Variants in AHI1 observed in about 807,000 individuals in gnomAD.
AHI1 encodes Abelson helper integration site 1.
In AHI1, 123 loss-of-function variants were observed where a neutral mutation model predicts 149.3. That is an observed-to-expected ratio of 0.82 (90% CI 0.71 to 0.96). AHI1 has a LOEUF of 0.96. Among genes scored for constraint, AHI1 ranks in the 40% least tolerant of loss-of-function variants. The pLI, the probability that AHI1 is intolerant of heterozygous loss-of-function variation, is 0.00. For missense variants in AHI1, 1,439 were observed against 1,422.7 expected, an observed-to-expected ratio of 1.01 and a Z score of -0.18; for synonymous variants, 475 against 459.8, an observed-to-expected ratio of 1.03 and a Z score of -0.42.
At position 135,316,646 on chromosome 6, in the gene AHI1, T is replaced by C. The variant is rs544200781; in HGVS notation, c.3426+1873A>G. ...TTCTCTTCCTTTGACTGTCCCTTAA[T>C]ACTAGTGTTTAATTAGGTTCTGTCC... On this transcript the variant is annotated intron_variant, in intron 26 of 28. Coordinates refer to ENST00000265602, the MANE Select transcript of AHI1 (RefSeq NM_001134831.2). Among the ~76,000 whole-genome samples the C allele has an allele frequency of 5.9e-5, 9 of 152,290 alleles. No homozygotes were observed. In the South Asian group the frequency reaches 1.9e-3, roughly 32 times the overall value.
chr6:135,444,786 C>T (rs185014579), intron 13 of AHI1, among the ~76,000 whole-genome samples: 4 of 152,308 alleles, frequency 2.6e-5, no homozygotes, highest in Admixed American at 1.3e-4. Context: ...TGTGATATCA[C>T]GTTATTTAGC....
Position 135,323,213 on chromosome 6 carries a change from T to C in AHI1, c.3277A>G (p.Ile1093Val). The C allele has an allele frequency of 6.2e-7, 1 of 1,613,870 alleles. No homozygotes were observed. The highest frequency in any genetic ancestry group is 8.5e-7 in the Non-Finnish European group (1 of 1,179,794). ...KDNEDWWYGSIGKGQEGYFPA... is the reference protein window; with the variant it reads ...KDNEDWWYGSVGKGQEGYFPA... ...AAATAACCTTCCTGTCCCTTTCCTA[T>C]GCTGCCATACCACCAGTCTTCATTA... Residue 1093 changes from isoleucine to valine, a missense_variant, in exon 25 of 29, where the codon ATA becomes GTA. By Grantham distance (29) the Ile-to-Val change is conservative. Transcript: ENST00000265602.
Position 135,453,360 on chromosome 6 carries a change from AT to A in AHI1, c.1420del (p.Ile474LeufsTer36), listed in dbSNP as rs1369440486. 2.2e-5 allele frequency: 34 copies of A among 1,561,160 alleles called. No individual in the cohort carries two copies. Among genetic ancestry groups the A allele is most frequent in the Non-Finnish European group, 2.8e-5 (32 of 1,151,344 alleles). On this transcript the variant is annotated frameshift_variant, in exon 11 of 29. Coordinates refer to ENST00000265602, the MANE Select transcript of AHI1 (RefSeq NM_001134831.2). LOFTEE classifies it high-confidence loss of function. ...ACATACCTTAAGAAATGCCCAGGCA[AT>A]TTTCCGAAAGCCACATTCTTGGTTT... is the stretch of plus-strand genomic sequence containing the variant. ...VQNQECGFRKIAWAFLKLLGA... is the reference protein window; with the variant it reads ...VQNQECGFRKXAWAFLKLLGA...
chr6:135,485,607 A>G (rs1794356589), intron 5 of AHI1, among the ~76,000 whole-genome samples: 1 of 152,110 alleles, frequency 6.6e-6, no homozygotes. Context: ...TACTTTTAAG[A>G]TCTTTCAGGA....
chr6:135,357,327 T>C (rs898039485), intron 24 of AHI1, among the ~76,000 whole-genome samples: 1 of 152,220 alleles, frequency 6.6e-6, no homozygotes, highest in South Asian at 2.1e-4. Context: ...TTTATGAACA[T>C]TGACATGACT....
intron 4 of AHI1, among the ~76,000 whole-genome samples, chr6:135,491,886 T>C (rs1029067846): frequency 6.6e-6 from 1 of 152,190 alleles, no homozygotes; most frequent in Non-Finnish European, 1.5e-5. Context: ...AAGCCTAAAA[T>C]ATTTACTAGC....
intron 23 of AHI1, among the ~76,000 whole-genome samples, chr6:135,380,739 C>T (rs543744568): frequency 8.2e-6 from 1 of 121,432 alleles, no homozygotes; most frequent in South Asian, 2.7e-4. Context: ...TAACCCCCCC[C>T]CCCCCAAAAA....
At chr6:135,440,963 G>GA (rs776186251) in intron 14 of AHI1, among the ~76,000 whole-genome samples, 22 of 151,862 alleles carry the variant, frequency 1.4e-4, no homozygotes, top group Non-Finnish European at 2.9e-4. Flanking sequence ...ATACACAGGG[G>GA]AAAAAAGTCA....
At chr6:135,439,753 A>G (rs1785979882) in intron 14 of AHI1, among the ~76,000 whole-genome samples, 1 of 152,172 alleles carries the variant, frequency 6.6e-6, no homozygotes, top group Admixed American at 6.5e-5. Flanking sequence ...CTGTGGGTGG[A>G]AAGCATGAGC....
chr6:135,464,840 C>T (rs1336519735), intron 7 of AHI1, among the ~76,000 whole-genome samples: 5 of 152,182 alleles, frequency 3.3e-5, no homozygotes, highest in African/African-American at 1.2e-4. Context: ...TGACTTCAGT[C>T]CCAGCTAACA....
chr6:135,443,205 AT>A (rs1327916540), intron 13 of AHI1, among the ~76,000 whole-genome samples: 4 of 152,170 alleles, frequency 2.6e-5, no homozygotes, highest in Admixed American at 6.5e-5. Flanking sequence ...TCCAAAATGT[AT>A]TTTCAAAGTA....
Position 135,363,761 on chromosome 6 carries a change from C to CG in AHI1, c.3110-5575dup, listed in dbSNP as rs552379091. Reference sequence around the variant, plus strand: ...TTCCCGGACGGGGCAGCTGGCCGGGCGGGGGTTGACCCCCCCACCTCCCTC... The same window carrying CG: ...TTCCCGGACGGGGCAGCTGGCCGGGCGGGGGGTTGACCCCCCCACCTCCCTC... On this transcript the variant is annotated intron_variant, in intron 23 of 28. Transcript: ENST00000265602. Among the ~76,000 whole-genome samples the CG allele has an allele frequency of 8.3e-3, 1,078 of 129,268 alleles. 24 individuals are homozygous for CG. The highest frequency in any genetic ancestry group is 0.029 in the African/African-American group (996 of 33,790). The allele number at this position is 129,268 out of a possible 152,430, so 84.8% of individuals were successfully genotyped here.
chr6:135,300,361 G>T, intron 27 of AHI1, 139 bp downstream of exon 27: 2 of 927,000 alleles, frequency 2.2e-6, no homozygotes, highest in Non-Finnish European at 3.0e-6. Flanking sequence ...TCGTAAACAA[G>T]CTAAACTCCT....
chr6:135,320,333 A>G (rs529586616), intron 25 of AHI1, among the ~76,000 whole-genome samples: 2 of 152,358 alleles, frequency 1.3e-5, no homozygotes, highest in Admixed American at 6.5e-5. Flanking sequence ...GGCAGTTGAA[A>G]GATGGTCATC....
At chr6:135,368,149 C>T (rs1423600016) in intron 23 of AHI1, among the ~76,000 whole-genome samples, 1 of 152,152 alleles carries the variant, frequency 6.6e-6, no homozygotes, top group African/African-American at 2.4e-5. Context: ...CACCAGGCTC[C>T]GTGTTGGTAC....
intron 27 of AHI1, among the ~76,000 whole-genome samples, chr6:135,293,784 T>C (rs1217033047): frequency 6.6e-6 from 1 of 152,240 alleles, no homozygotes; most frequent in East Asian, 1.9e-4. Context: ...TGATTGAATA[T>C]TGTTAAAATG....
chr6:135,466,983 AATAAGG>A (rs1790864863), intron 6 of AHI1, among the ~76,000 whole-genome samples: 2 of 152,228 alleles, frequency 1.3e-5, no homozygotes, highest in African/African-American at 4.8e-5. Flanking sequence ...GAAAAAAATA[AATAAGG>A]ATAAGAGTCA....
chr6:135,390,631 T>G (rs1158410889), intron 23 of AHI1, among the ~76,000 whole-genome samples: 1 of 151,990 alleles, frequency 6.6e-6, no homozygotes, highest in Non-Finnish European at 1.5e-5. Flanking sequence ...GGATAAGAAG[T>G]ACTGAGCTAG....
intron 23 of AHI1, chr6:135,388,145 G>A: frequency 8.6e-7 from 1 of 1,169,182 alleles, no homozygotes; most frequent in East Asian, 2.5e-5. Flanking sequence ...AGTTAATTTT[G>A]TAGATTACCT....
Sources: gnomAD v4.1 joint callset for allele counts (sites outside exome capture counted in the v4.1 genomes callset) on GRCh38, gnomAD v4.1.1 for gene constraint, MANE v1.5 for transcripts, NCBI Gene and HGNC (gene_info 2026-07-23, HGNC 2026-07-21) for gene names.